The following SDK1 variants were observed in gnomAD, a reference collection of about 807,000 sequenced individuals.
The protein encoded by SDK1 is sidekick cell adhesion molecule 1.
Under a neutral mutation model 245.5 loss-of-function variants are expected in SDK1, and 157 were observed. The observed-to-expected ratio is 0.64, with a 90% CI of 0.56 to 0.73. The LOEUF (loss-of-function observed/expected upper bound fraction) is 0.73, where lower values mean the gene tolerates loss of function less well. Ranked by LOEUF, SDK1 falls within the 30% of genes least tolerant of loss-of-function variation. SDK1 has a pLI of 0.00. For missense variants in SDK1, 3,583 were observed against 3,002.3 expected (o/e 1.19, Z -4.52); for synonymous variants, 1,647 against 1,278.5 (o/e 1.29, Z -6.15).
chr7:4,015,643 A>G (rs1786333419), intron 16 of SDK1, among the ~76,000 whole-genome samples: 1 of 152,122 alleles, frequency 6.6e-6, no homozygotes, highest in South Asian at 2.1e-4. Context: ...GTCGTTCAGT[A>G]AAGGAGTCAG....
intron 4 of SDK1, among the ~76,000 whole-genome samples, chr7:3,726,289 C>G (rs1583346752): frequency 6.6e-6 from 1 of 152,196 alleles, no homozygotes; most frequent in African/African-American, 2.4e-5. Context: ...TATGCTCACT[C>G]AAATCTGTTA....
At chr7:3,564,389 C>T (rs1252061328) in intron 1 of SDK1, among the ~76,000 whole-genome samples, 3 of 151,706 alleles carry the variant, frequency 2.0e-5, no homozygotes, top group East Asian at 1.9e-4. Context: ...TTTGGGAGGC[C>T]GAGACAGGAT....
intron 14 of SDK1, among the ~76,000 whole-genome samples, chr7:4,001,180 G>A (rs558493430): frequency 1.1e-4 from 17 of 152,192 alleles, no homozygotes; most frequent in African/African-American, 1.9e-4. Flanking sequence ...AGCTCCAGGA[G>A]GTCAGGCCAG....
rs1046437393 is a variant in SDK1, at chr7:3,721,863, T to G, written c.713+79758T>G. On this transcript the variant is annotated intron_variant, in intron 4 of 44. Transcript: ENST00000404826. ...CAACTTCATGAACTGTCGGCCATCCTTAAGCTCTCCTTTAGGTACCAATTA... is the reference window on the plus strand; with the variant it reads ...CAACTTCATGAACTGTCGGCCATCCGTAAGCTCTCCTTTAGGTACCAATTA... 6.6e-5 allele frequency among the ~76,000 whole-genome samples: 10 copies of G among 152,192 alleles called. 1 individual carries two copies. The highest frequency in any genetic ancestry group is 5.9e-4 in the Admixed American group (9 of 15,286).
chr7:4,080,018 A>C (rs1780952716), intron 22 of SDK1, among the ~76,000 whole-genome samples: 1 of 152,172 alleles, frequency 6.6e-6, no homozygotes, highest in African/African-American at 2.4e-5. Context: ...TATTCTGAGC[A>C]CGGGGGCTAT....
chr7:4,008,057 G>A (rs974140241), intron 14 of SDK1, among the ~76,000 whole-genome samples: 4 of 152,022 alleles, frequency 2.6e-5, no homozygotes, highest in African/African-American at 7.2e-5. Flanking sequence ...CTAAACAGTC[G>A]CTCCCCGTTG....
At chr7:3,724,092 T>G (rs1778935649) in intron 4 of SDK1, among the ~76,000 whole-genome samples, 1 of 151,872 alleles carries the variant, frequency 6.6e-6, no homozygotes, top group African/African-American at 2.4e-5. Context: ...GCCTCCCAAG[T>G]AGCTGGGATT....
chr7:3,734,001 G>A (rs765911240), intron 4 of SDK1, among the ~76,000 whole-genome samples: 1 of 152,132 alleles, frequency 6.6e-6, no homozygotes, highest in Non-Finnish European at 1.5e-5. Flanking sequence ...GTGCTCTGAG[G>A]ATTCATGCTG....
intron 1 of SDK1, among the ~76,000 whole-genome samples, chr7:3,502,775 C>G (rs1476766718): frequency 6.6e-6 from 1 of 152,132 alleles, no homozygotes; most frequent in East Asian, 1.9e-4. Context: ...GGCTAATTAA[C>G]AACACATTTC....
At chr7:3,634,871 G>A (rs944110915) in intron 2 of SDK1, among the ~76,000 whole-genome samples, 7 of 152,098 alleles carry the variant, frequency 4.6e-5, no homozygotes, top group African/African-American at 1.4e-4. Context: ...GCGTTAGTAC[G>A]GAGGATTACT....
chr7:3,960,091 A>G lies in SDK1; in HGVS notation c.1234+1077A>G, dbSNP rs538764805. ...CCTACTCCCTAAGAGCTCGGAGGGT[A>G]AGAATGACTACCAGTTTTGCAAATC... On this transcript the variant is annotated intron_variant, in intron 8 of 44. Transcript: ENST00000404826. Among the ~76,000 whole-genome samples the G allele has an allele frequency of 5.9e-5, 9 of 152,368 alleles. No homozygotes were observed. The South Asian group carries it at 1.4e-3, about 25-fold the overall frequency.
At chr7:4,120,698 C>A (rs1455127294) in intron 25 of SDK1, among the ~76,000 whole-genome samples, 1 of 151,934 alleles carries the variant, frequency 6.6e-6, no homozygotes, top group Non-Finnish European at 1.5e-5. Context: ...CTCACTGCAA[C>A]CTCTGCCTCC....
chr7:3,667,862 G>T (rs1783582999), intron 4 of SDK1, among the ~76,000 whole-genome samples: 1 of 152,056 alleles, frequency 6.6e-6, no homozygotes, highest in South Asian at 2.1e-4. Context: ...AGGGCATTTG[G>T]GATTGTTCCA....
At chr7:3,768,579 G>T (rs929087438) in intron 4 of SDK1, among the ~76,000 whole-genome samples, 1 of 152,174 alleles carries the variant, frequency 6.6e-6, no homozygotes, top group Non-Finnish European at 1.5e-5. Flanking sequence ...GAATGTCTTA[G>T]AATTGCTTCT....
intron 1 of SDK1, among the ~76,000 whole-genome samples, chr7:3,453,405 C>A (rs1780579879): frequency 6.6e-6 from 1 of 152,146 alleles, no homozygotes; most frequent in African/African-American, 2.4e-5. Flanking sequence ...ACCATTTGGA[C>A]AAAGGGTCTT....
chr7:4,182,638 C>T (rs537891192), intron 35 of SDK1, among the ~76,000 whole-genome samples: 1 of 152,264 alleles, frequency 6.6e-6, no homozygotes, highest in African/African-American at 2.4e-5. Context: ...GGAGAAGGAA[C>T]CTATGGTCTC....
chr7:4,076,379 C>CT (rs1346160918), intron 20 of SDK1, among the ~76,000 whole-genome samples: 1 of 151,980 alleles, frequency 6.6e-6, no homozygotes. Flanking sequence ...CAGGGGGAAA[C>CT]CCCATCTCTC....
intron 1 of SDK1, among the ~76,000 whole-genome samples, chr7:3,596,232 TGG>T (rs1781058217): frequency 6.6e-6 from 1 of 152,190 alleles, no homozygotes. Flanking sequence ...CTCTTCCATC[TGG>T]CTGGGTTGCA....
chr7:4,203,612 G>T (rs939331132), intron 35 of SDK1, among the ~76,000 whole-genome samples: 1 of 151,738 alleles, frequency 6.6e-6, no homozygotes, highest in Admixed American at 6.6e-5. Flanking sequence ...AAAAACGAAC[G>T]ACAATCAGAT....
Sources: allele counts gnomAD v4.1 joint callset (sites outside exome capture counted in the v4.1 genomes callset), GRCh38; gene constraint gnomAD v4.1.1; transcripts MANE v1.5; gene names NCBI Gene and HGNC (gene_info 2026-07-23, HGNC 2026-07-21).